Variants in RAPGEF1 observed in about 807,000 individuals in gnomAD.
The protein encoded by RAPGEF1 is CRK SH3-binding GNRP.
In RAPGEF1, 33 loss-of-function variants were observed where a neutral mutation model predicts 143.3. That is an observed-to-expected ratio of 0.23 (90% CI 0.17 to 0.31). RAPGEF1 has a LOEUF of 0.31. RAPGEF1 is among the 10% of genes least tolerant of loss of function. The probability of loss-of-function intolerance (pLI) is 1.00; values close to 1 mark genes in which losing one functional copy is unlikely to be tolerated. For missense variants in RAPGEF1, 1,199 were observed against 1,645.4 expected (o/e 0.73, Z 4.69); for synonymous variants, 629 against 676.5 (o/e 0.93, Z 1.09).
chr9:131,690,470 C>CT (rs980720433), intron 1 of RAPGEF1, among the ~76,000 whole-genome samples: 9 of 150,796 alleles, frequency 6.0e-5, no homozygotes, highest in Admixed American at 3.3e-4. Context: ...TTTTCTAAAC[C>CT]TTTTTTTTCT....
chr9:131,624,990 C>T (rs753324350), intron 10 of RAPGEF1, among the ~76,000 whole-genome samples: 1 of 152,256 alleles, frequency 6.6e-6, no homozygotes, highest in Non-Finnish European at 1.5e-5. Flanking sequence ...CTGAACCAAG[C>T]CAGGTCTTCC....
In RAPGEF1 at chr9:131,586,401, A is replaced by AACAC. The variant is rs58177991; in HGVS notation, c.3233+1331_3233+1334dup. Reference sequence around the variant, plus strand: ...ACCTGCAGAGCGAGACTCCGTCTCAAACACACACACACACACACCTGCAGA... The same window carrying AACAC: ...ACCTGCAGAGCGAGACTCCGTCTCAAACACACACACACACACACACACCTGCAGA... On this transcript the variant is annotated intron_variant, in intron 22 of 26. Transcript: ENST00000683357. Among the ~76,000 whole-genome samples the AACAC allele has an allele frequency of 6.5e-3, 81 of 12,432 alleles. 4 individuals are homozygous for AACAC. Among genetic ancestry groups the AACAC allele is most frequent in the African/African-American group, 0.02 (47 of 2,332 alleles). 8.2% of individuals were successfully genotyped at this position (12,432 alleles called of 152,430 possible). A position where few individuals can be genotyped will look rare whatever the true frequency, so the allele number is the denominator to read the frequency against.
At chr9:131,608,445 G>T (rs1005537145) in intron 12 of RAPGEF1, among the ~76,000 whole-genome samples, 10 of 152,218 alleles carry the variant, frequency 6.6e-5, no homozygotes, top group African/African-American at 2.4e-4. Context: ...GTGTGGATGG[G>T]TAAGAGACGA....
intron 19 of RAPGEF1, 69 bp from the exon 20 acceptor site, chr9:131,589,055 G>T: frequency 1.3e-6 from 2 of 1,488,442 alleles, no homozygotes; most frequent in South Asian, 1.2e-5. Context: ...TCTTTGCCTT[G>T]AGACACACAA....
At chr9:131,703,392 C>A (rs910359880) in intron 1 of RAPGEF1, among the ~76,000 whole-genome samples, 4 of 152,164 alleles carry the variant, frequency 2.6e-5, no homozygotes, top group Admixed American at 6.6e-5. Flanking sequence ...AATGTAACAT[C>A]ATTTCAACCA....
At chr9:131,631,328 G>A (rs1248189050) in intron 5 of RAPGEF1, among the ~76,000 whole-genome samples, 1 of 152,288 alleles carries the variant, frequency 6.6e-6, no homozygotes, top group South Asian at 2.1e-4. Context: ...AGGAAGCTCC[G>A]CATTCCCCTC....
chr9:131,648,988 A>G (rs1970392719), intron 3 of RAPGEF1, among the ~76,000 whole-genome samples: 2 of 152,142 alleles, frequency 1.3e-5, no homozygotes, highest in Admixed American at 6.6e-5. Context: ...GATTAAGAAT[A>G]TCTGTCTACA....
chr9:131,598,299 G>A lies in RAPGEF1; in HGVS notation c.2513C>T (p.Ser838Leu), dbSNP rs759759500. The change falls in exon 16 of 27, where the codon TCA becomes TTA. Residue 838 changes from serine (S) to leucine (L), a missense_variant. This residue lies in a region of RAPGEF1 where 293 missense variants were observed against 356.2 expected (regional missense o/e 0.82). Transcript: ENST00000683357. Reference sequence around the variant, plus strand: ...CTGAGCCGACTCCAGAGCATCTGGTGACTTTGGGGCCCTGCGGGGAGAAGT... The same window carrying A: ...CTGAGCCGACTCCAGAGCATCTGGTAACTTTGGGGCCCTGCGGGGAGAAGT... ...SRDGSERAPKSPDALESAQSE... is the reference protein window; with the variant it reads ...SRDGSERAPKLPDALESAQSE... 6.2e-7 allele frequency: 1 copy of A among 1,613,938 alleles called. No individual in the cohort carries two copies. Among genetic ancestry groups the A allele is most frequent in the Non-Finnish European group, 8.5e-7 (1 of 1,179,856 alleles).
chr9:131,587,909 A>G (rs1329078898), intron 21 of RAPGEF1, 33 bp downstream of exon 21: 1 of 1,570,834 alleles, frequency 6.4e-7, no homozygotes, highest in African/African-American at 1.3e-5. Flanking sequence ...AGGGACAAAC[A>G]GTGTGGCTCC....
intron 5 of RAPGEF1, among the ~76,000 whole-genome samples, chr9:131,632,399 T>A (rs1213072292): frequency 1.3e-5 from 2 of 151,624 alleles, no homozygotes; most frequent in Admixed American, 6.6e-5. Flanking sequence ...AGTGCTGGGA[T>A]TACAGGCGTG....
chr9:131,716,913 A>G (rs1835902558), intron 1 of RAPGEF1, among the ~76,000 whole-genome samples: 1 of 152,150 alleles, frequency 6.6e-6, no homozygotes, highest in Non-Finnish European at 1.5e-5. Flanking sequence ...ACTTCCTCAC[A>G]CGGCGACTGG....
chr9:131,672,331 T>A (rs12551879), intron 1 of RAPGEF1, among the ~76,000 whole-genome samples: 1 of 152,226 alleles, frequency 6.6e-6, no homozygotes, highest in East Asian at 1.9e-4. Flanking sequence ...GCTATTTCAC[T>A]GAATCAATTT....
At chr9:131,636,184 C>T (rs1301053903) in intron 5 of RAPGEF1, among the ~76,000 whole-genome samples, 1 of 152,226 alleles carries the variant, frequency 6.6e-6, no homozygotes, top group Non-Finnish European at 1.5e-5. Context: ...GGTCCTGCCC[C>T]CCTTAGACTG....
chr9:131,625,922 T>C lies in RAPGEF1; in HGVS notation c.1702A>G (p.Met568Val). Residue 568 changes from methionine to valine, a missense_variant and splice_region_variant, in exon 10 of 27, where the codon ATG (methionine) becomes GTG (valine). By Grantham distance (21) the Met-to-Val change is conservative. Coordinates refer to ENST00000683357, the MANE Select transcript of RAPGEF1 (RefSeq NM_001377935.1). The part of the protein sequence containing the change: ...PPLPEKKNKH[M>V]LAYMQLLEDY... ...TGACAACAGTGCAACAAAGGCTTAC[T>C]GTGTTTGTTTTTCTTCTCTGGTAGA... 6.4e-7 allele frequency: 1 copy of C among 1,560,044 alleles called. No individual in the cohort carries two copies. Among genetic ancestry groups the C allele is most frequent in the Non-Finnish European group, 8.7e-7 (1 of 1,147,766 alleles).
intron 18 of RAPGEF1, among the ~76,000 whole-genome samples, chr9:131,590,829 C>T (rs979241609): frequency 3.9e-5 from 6 of 152,222 alleles, no homozygotes; most frequent in Admixed American, 2.6e-4. Context: ...AGAGCCTGGG[C>T]GCAGGCAGCA....
chr9:131,639,437 A>AGTGT (rs3837234), intron 4 of RAPGEF1, among the ~76,000 whole-genome samples: 17,887 of 149,006 alleles, frequency 0.12, 1,122 homozygotes, highest in East Asian at 0.22. Flanking sequence ...AACGCAGGTG[A>AGTGT]GTGTGTGTGT....
In RAPGEF1 at chr9:131,617,273, C is replaced by T. The variant is rs1959152234; in HGVS notation, c.2061+1778G>A. Among the ~76,000 whole-genome samples, 3 of 152,198 alleles carry T rather than the reference C, an allele frequency of 2.0e-5. No homozygotes were observed. In the South Asian group the frequency reaches 6.2e-4, roughly 32 times the overall value. On this transcript the variant is annotated intron_variant, in intron 12 of 26. Coordinates refer to ENST00000683357, the MANE Select transcript of RAPGEF1 (RefSeq NM_001377935.1). ...TCGCAAGATTTGTGAAAGGAGCTTG[C>T]CAGAGGTGCCTCTGAGGAAACCAGG...
intron 24 of RAPGEF1, among the ~76,000 whole-genome samples, chr9:131,582,981 C>T (rs889961845): frequency 7.9e-5 from 12 of 152,206 alleles, no homozygotes; most frequent in African/African-American, 2.9e-4. Context: ...GCCTGGGCAG[C>T]CAGCGCTTGT....
chr9:131,613,528 G>A (rs979426574), intron 12 of RAPGEF1, among the ~76,000 whole-genome samples: 4 of 152,328 alleles, frequency 2.6e-5, no homozygotes, highest in African/African-American at 9.6e-5. Context: ...CATGGGGGTG[G>A]GGAGGAAGTG....
Sources: gnomAD v4.1 joint callset for allele counts (sites outside exome capture counted in the v4.1 genomes callset) on GRCh38, gnomAD v4.1.1 for gene constraint, gnomAD v4.1.1 regional missense constraint, MANE v1.5 for transcripts, NCBI Gene and HGNC (gene_info 2026-07-23, HGNC 2026-07-21) for gene names.